Variants in RALYL observed in about 807,000 individuals in gnomAD.
RALYL encodes RNA-binding Raly-like protein.
In RALYL, 29 loss-of-function variants were observed where a neutral mutation model predicts 35.1. The observed-to-expected ratio is 0.83, with a 90% confidence interval of 0.61 to 1.13. The LOEUF is 1.13. RALYL is among the 50% of genes most tolerant of loss of function. The probability of loss-of-function intolerance (pLI) is 0.00; values close to 1 mark genes in which losing one functional copy is unlikely to be tolerated. For synonymous variants in RALYL, 120 were observed against 127.6 expected (o/e 0.94, Z 0.40); for missense variants, 359 against 360.4 (o/e 1.00, Z 0.03).
chr8:84,268,424 C>T (rs993830376), intron 1 of RALYL, among the ~76,000 whole-genome samples: 3 of 152,094 alleles, frequency 2.0e-5, no homozygotes, highest in African/African-American at 7.2e-5. Context: ...AGGTTCAATT[C>T]TAGTGTTTTC....
intron 1 of RALYL, among the ~76,000 whole-genome samples, chr8:84,188,922 T>A (rs1206229754): frequency 6.6e-6 from 1 of 152,204 alleles, no homozygotes; most frequent in Non-Finnish European, 1.5e-5. Context: ...AAAAAGATTT[T>A]TGTTTGCTAG....
intron 1 of RALYL, among the ~76,000 whole-genome samples, chr8:84,523,180 A>G (rs1296912521): frequency 6.6e-6 from 1 of 152,184 alleles, no homozygotes; most frequent in African/African-American, 2.4e-5. Flanking sequence ...TCGCAGTTCC[A>G]CATGGCTGGG....
intron 4 of RALYL, among the ~76,000 whole-genome samples, chr8:84,812,168 G>A (rs959853853): frequency 6.6e-6 from 1 of 152,132 alleles, no homozygotes; most frequent in Non-Finnish European, 1.5e-5. Context: ...CTGTTGTCCA[G>A]ATTCTTTTGT....
At chr8:84,533,265 A>T (rs1271147566) in intron 2 of RALYL, among the ~76,000 whole-genome samples, 2 of 152,142 alleles carry the variant, frequency 1.3e-5, no homozygotes, top group African/African-American at 4.8e-5. Context: ...TTTCAATCTA[A>T]GTGTAGTCAT....
chr8:84,242,350 A>G (rs556954013), intron 1 of RALYL, among the ~76,000 whole-genome samples: 1 of 152,284 alleles, frequency 6.6e-6, no homozygotes, highest in African/African-American at 2.4e-5. Context: ...TCATTTGGGT[A>G]TATACCCAAT....
chr8:84,222,771 A>C (rs1452517348), intron 1 of RALYL, among the ~76,000 whole-genome samples: 1 of 152,162 alleles, frequency 6.6e-6, no homozygotes, highest in South Asian at 2.1e-4. Flanking sequence ...TCAGCTTCTT[A>C]TGTAACAAGC....
In RALYL at chr8:84,184,686, C is replaced by A. The variant is rs1866088; in HGVS notation, c.-24+262C>A. The stretch of plus-strand genomic sequence containing the variant: ...CTCCCACGGTGAGCTGCGCCCAGGT[C>A]GTCTCCCGGCGGGGCGGGTGGCGTC... On this transcript the variant is annotated intron_variant, in intron 1 of 8. Transcript: ENST00000521268. Among the ~76,000 whole-genome samples the A allele has an allele frequency of 0.068, 10,300 of 151,886 alleles. 738 individuals are homozygous for A. Among genetic ancestry groups the A allele is most frequent in the African/African-American group, 0.18 (7,454 of 41,352 alleles).
intron 1 of RALYL, among the ~76,000 whole-genome samples, chr8:84,318,801 C>G (rs1844261463): frequency 6.6e-6 from 1 of 152,094 alleles, no homozygotes; most frequent in South Asian, 2.1e-4. Context: ...TATAGGAAAA[C>G]TAGCAGGTAA....
At chr8:84,751,626 A>C (rs1176284565) in intron 2 of RALYL, among the ~76,000 whole-genome samples, 1 of 152,042 alleles carries the variant, frequency 6.6e-6, no homozygotes, top group Non-Finnish European at 1.5e-5. Flanking sequence ...AGGTGACTGG[A>C]TCATGGGGGT....
At chr8:84,386,219 G>T (rs1219527720) in intron 1 of RALYL, among the ~76,000 whole-genome samples, 1 of 151,780 alleles carries the variant, frequency 6.6e-6, no homozygotes, top group Admixed American at 6.6e-5. Flanking sequence ...TGAAGCCTCT[G>T]TAGTTAGCCT....
chr8:84,358,880 T>C (rs965894247), intron 1 of RALYL, among the ~76,000 whole-genome samples: 3 of 152,078 alleles, frequency 2.0e-5, no homozygotes, highest in African/African-American at 7.2e-5. Context: ...GTATTTGTAG[T>C]AGCTTATTGG....
At chr8:84,696,905 C>T (rs1839256424) in intron 2 of RALYL, among the ~76,000 whole-genome samples, 1 of 151,974 alleles carries the variant, frequency 6.6e-6, no homozygotes. Context: ...TTAGCAGACA[C>T]AAATACACAC....
At chr8:84,716,423 T>G (rs944845183) in intron 2 of RALYL, among the ~76,000 whole-genome samples, 3 of 152,206 alleles carry the variant, frequency 2.0e-5, no homozygotes. Context: ...AAAGGTTTAC[T>G]TTTAATTGAG....
intron 2 of RALYL, among the ~76,000 whole-genome samples, chr8:84,610,789 G>A (rs1818134378): frequency 6.6e-6 from 1 of 152,030 alleles, no homozygotes; most frequent in Non-Finnish European, 1.5e-5. Flanking sequence ...TACTTATTTT[G>A]TTACTCAAAT....
intron 1 of RALYL, among the ~76,000 whole-genome samples, chr8:84,443,523 G>A (rs2048550193): frequency 6.6e-6 from 1 of 152,118 alleles, no homozygotes; most frequent in African/African-American, 2.4e-5. Flanking sequence ...CAGTTGAAGA[G>A]CTTGGAATGT....
At chr8:84,559,015 T>G (rs2061315872) in intron 2 of RALYL, among the ~76,000 whole-genome samples, 1 of 152,144 alleles carries the variant, frequency 6.6e-6, no homozygotes, top group Non-Finnish European at 1.5e-5. Context: ...ATTACCATCA[T>G]GTTTTTTCTG....
At chr8:84,668,066 T>C (rs1400961946) in intron 2 of RALYL, among the ~76,000 whole-genome samples, 2 of 152,166 alleles carry the variant, frequency 1.3e-5, no homozygotes, top group Non-Finnish European at 2.9e-5. Flanking sequence ...CTCCATGGCT[T>C]ACCTCCTTTG....
intron 2 of RALYL, among the ~76,000 whole-genome samples, chr8:84,687,701 AGTACTCTACAGAAGTTTTCTAG>A (rs1248470110): frequency 6.6e-6 from 1 of 152,132 alleles, no homozygotes; most frequent in East Asian, 1.9e-4. Context: ...GGTTCTATGA[AGTACTCTACAGAAGTTTTCTAG>A]AAACTTCTTT....
At chr8:84,387,185 T>C (rs1349385506) in intron 1 of RALYL, among the ~76,000 whole-genome samples, 1 of 151,864 alleles carries the variant, frequency 6.6e-6, no homozygotes, top group Admixed American at 6.6e-5. Flanking sequence ...CAACAATAAC[T>C]CATATTTATT....
Sources: allele counts gnomAD v4.1 joint callset (sites outside exome capture counted in the v4.1 genomes callset), GRCh38; gene constraint gnomAD v4.1.1; transcripts MANE v1.5; gene names NCBI Gene and HGNC (gene_info 2026-07-23, HGNC 2026-07-21).